Variants in EBF4 observed in about 807,000 individuals in gnomAD.
EBF4 encodes EBF transcription factor 4.
EBF4 carries 34 observed loss-of-function variants against 67.1 expected under a neutral mutation model. The observed-to-expected ratio is 0.51, with a 90% confidence interval of 0.39 to 0.67. The LOEUF is 0.67. Ranked by LOEUF, EBF4 falls within the 30% of genes least tolerant of loss-of-function variation. EBF4 has a pLI of 0.00. For synonymous variants in EBF4, 387 were observed against 377.7 expected (o/e 1.02, Z -0.29); for missense variants, 837 against 873.3 (o/e 0.96, Z 0.52).
At chr20:2,753,404 T>C (rs904997322) in intron 14 of EBF4, among the ~76,000 whole-genome samples, 2 of 152,212 alleles carry the variant, frequency 1.3e-5, no homozygotes, top group African/African-American at 4.8e-5. Context: ...CCCTCAAGAC[T>C]CTTCCATCAT....
intron 1 of EBF4, among the ~76,000 whole-genome samples, chr20:2,703,739 A>C (rs1236043542): frequency 1.3e-5 from 2 of 151,844 alleles, no homozygotes; most frequent in Admixed American, 1.3e-4. Context: ...AACCGACTCC[A>C]AAACTTAGCA....
At chr20:2,726,591 A>G (rs1200816295) in intron 6 of EBF4, among the ~76,000 whole-genome samples, 1 of 151,784 alleles carries the variant, frequency 6.6e-6, no homozygotes, top group Non-Finnish European at 1.5e-5. Context: ...AAAAAAAAAA[A>G]GAAATATGAT....
At chr20:2,722,169 A>G (rs1030296924) in intron 6 of EBF4, among the ~76,000 whole-genome samples, 7 of 152,134 alleles carry the variant, frequency 4.6e-5, no homozygotes, top group Non-Finnish European at 1.0e-4. Context: ...TGAAGTAACC[A>G]GGACTACAGG....
At position 2,739,728 on chromosome 20, in the gene EBF4, G is replaced by A. The variant is rs1053336154; in HGVS notation, c.558-8821G>A. Among the ~76,000 whole-genome samples the A allele has an allele frequency of 2.0e-5, 3 of 152,200 alleles. No homozygotes were observed. The highest frequency in any genetic ancestry group is 4.4e-5 in the Non-Finnish European group (3 of 68,038). On this transcript the variant is annotated intron_variant, in intron 6 of 16. Transcript: ENST00000609451. This position sits in a 1 kb window ranked among gnomAD's most constrained non-coding sequence, Gnocchi z 4.5. ...AGCCAGAAACTGCTTCAGTTTCTTC[G>A]GAGGCTCATGGGAGCCCAAGACAAA...
intron 6 of EBF4, among the ~76,000 whole-genome samples, chr20:2,738,692 T>A (rs573159603): frequency 6.6e-6 from 1 of 152,148 alleles, no homozygotes; most frequent in South Asian, 2.1e-4. Flanking sequence ...CCACACCCCC[T>A]CCCCTTCTCC....
intron 6 of EBF4, among the ~76,000 whole-genome samples, chr20:2,733,639 A>T (rs1055874840): frequency 6.6e-6 from 1 of 151,832 alleles, no homozygotes; most frequent in Admixed American, 6.6e-5. Context: ...GAGCTAGATA[A>T]TCTCAATTGG....
At chr20:2,708,924 G>A (rs1006347212) in intron 5 of EBF4, among the ~76,000 whole-genome samples, 5 of 152,134 alleles carry the variant, frequency 3.3e-5, no homozygotes, top group East Asian at 1.9e-4. Context: ...AATGGCTCAC[G>A]CCTGTAATCC....
chr20:2,707,859 C>G lies in EBF4; in HGVS notation c.415-88C>G, dbSNP rs921134443. ...GGGGCAGGGTCTCCCTGGGCCTAGG[C>G]TTGGGAGATGCCAGGTCCGTCTGTG... On this transcript the variant is annotated intron_variant, in intron 4 of 16. Coordinates refer to ENST00000609451, the Ensembl canonical transcript of EBF4. The surrounding 1 kb of genome is among the most constrained non-coding windows in gnomAD (Gnocchi z 4.6). 2.5e-4 allele frequency: 328 copies of G among 1,336,048 alleles called. No individual in the cohort carries two copies. The highest frequency in any genetic ancestry group is 6.7e-4 in the Admixed American group (30 of 44,496). 82.8% of individuals were successfully genotyped at this position (1,336,048 alleles called of 1,614,324 possible). A position where few individuals can be genotyped will look rare whatever the true frequency, so the allele number is the denominator to read the frequency against.
intron 1 of EBF4, among the ~76,000 whole-genome samples, chr20:2,702,998 A>G (rs938448451): frequency 6.6e-6 from 1 of 152,090 alleles, no homozygotes; most frequent in Non-Finnish European, 1.5e-5. Flanking sequence ...TTAGTTGGCC[A>G]GGTGTAGTGG....
At chr20:2,719,677 T>A (rs991389328) in intron 6 of EBF4, among the ~76,000 whole-genome samples, 1 of 152,222 alleles carries the variant, frequency 6.6e-6, no homozygotes, top group Non-Finnish European at 1.5e-5. Context: ...AGTACTGGGA[T>A]TAAAGGCGTG....
intron 6 of EBF4, among the ~76,000 whole-genome samples, chr20:2,730,321 G>C (rs537796615): frequency 2.6e-4 from 39 of 152,082 alleles, no homozygotes; most frequent in African/African-American, 9.2e-4. Context: ...TCCCTGTGGC[G>C]GCATCACTCC....
At chr20:2,736,119 C>T (rs1416393964) in intron 6 of EBF4, among the ~76,000 whole-genome samples, 5 of 152,286 alleles carry the variant, frequency 3.3e-5, no homozygotes, top group African/African-American at 1.2e-4. Context: ...TATCTGACAT[C>T]ACAGCTCTAA....
intron 6 of EBF4, among the ~76,000 whole-genome samples, chr20:2,710,506 A>T (rs1438823078): frequency 6.6e-6 from 1 of 151,932 alleles, no homozygotes; most frequent in Non-Finnish European, 1.5e-5. Flanking sequence ...ATGGTACAAA[A>T]CAGTAAATAA....
intron 1 of EBF4, among the ~76,000 whole-genome samples, 196 bp from the exon 2 acceptor site, chr20:2,705,381 A>G (rs6084135): frequency 2.0e-3 from 307 of 152,144 alleles, no homozygotes; most frequent in African/African-American, 7.2e-3. Context: ...GGGGTGCCCT[A>G]GGTGCTGAGA....
At chr20:2,734,117 C>A (rs1367454747) in intron 6 of EBF4, among the ~76,000 whole-genome samples, 1 of 152,186 alleles carries the variant, frequency 6.6e-6, no homozygotes, top group Admixed American at 6.6e-5. Flanking sequence ...CATTTAAAGT[C>A]TTTATCTATG....
intron 6 of EBF4, among the ~76,000 whole-genome samples, chr20:2,718,825 A>T (rs2087642991): frequency 6.6e-6 from 1 of 152,052 alleles, no homozygotes; most frequent in African/African-American, 2.4e-5. Flanking sequence ...ACTTTTGGTT[A>T]ATTCCTTCTC....
chr20:2,731,448 C>T (rs2087812157), intron 6 of EBF4, among the ~76,000 whole-genome samples: 1 of 152,152 alleles, frequency 6.6e-6, no homozygotes, highest in Non-Finnish European at 1.5e-5. Context: ...ATAGGGCATG[C>T]AGCTTACTTA....
In EBF4 at chr20:2,756,774, A is replaced by G. The variant is rs910969211; in HGVS notation, c.1738+950A>G. Among the ~76,000 whole-genome samples, 2 of 152,236 alleles carry G rather than the reference A, an allele frequency of 1.3e-5. No homozygotes were observed. The highest frequency in any genetic ancestry group is 4.8e-5 in the African/African-American group (2 of 41,466). On this transcript the variant is annotated intron_variant, in intron 15 of 16. Coordinates refer to ENST00000609451, the Ensembl canonical transcript of EBF4. This position sits in a 1 kb window ranked among gnomAD's most constrained non-coding sequence, Gnocchi z 4.5. ...GAGCACGTCCTATTGAGTATTCCCC[A>G]AGACAATAATGGGTCAGAGCAACAG...
intron 7 of EBF4, 67 bp from the exon 8 acceptor site, chr20:2,749,334 C>G (rs1033854061): frequency 1.6e-6 from 2 of 1,263,278 alleles, no homozygotes; most frequent in South Asian, 2.9e-5. Flanking sequence ...GTGCTGGTTC[C>G]CCACCACATT....
Sources: gnomAD v4.1 joint callset for allele counts (sites outside exome capture counted in the v4.1 genomes callset) on GRCh38, gnomAD v4.1.1 for gene constraint, Gnocchi (gnomAD v3.1) non-coding constraint, MANE v1.5 for transcripts, NCBI Gene and HGNC (gene_info 2026-07-23, HGNC 2026-07-21) for gene names.